GALNT11: variants seen among roughly 807,000 people sequenced by gnomAD.
GALNT11 encodes UDP-GalNAc:polypeptide N-acetylgalactosaminyltransferase 11.
A neutral mutation model predicts 72.7 loss-of-function variants in GALNT11; 47 were observed. The observed-to-expected ratio is 0.65, with a 90% CI of 0.51 to 0.82. GALNT11 has a LOEUF of 0.82. Ranked by LOEUF, GALNT11 falls within the 40% of genes least tolerant of loss-of-function variation. The pLI, the probability that GALNT11 is intolerant of heterozygous loss-of-function variation, is 0.00. For missense variants in GALNT11, 677 were observed against 778.4 expected, an observed-to-expected ratio of 0.87 and a Z score of 1.55; for synonymous variants, 270 against 286.6, an observed-to-expected ratio of 0.94 and a Z score of 0.58.
chr7:152,094,375 C>A lies in GALNT11; in HGVS notation c.148C>A (p.Pro50Thr), dbSNP rs368746437. ...VPVKGSGPHG[P>T]SPKKFYPRFT... is the part of the protein sequence containing the mutation. ...CGTCAAGGGGTCTGGGCCCCACGGACCATCTCCAAAAAAATTCTATCCCCG... is the reference window on the plus strand; with the variant it reads ...CGTCAAGGGGTCTGGGCCCCACGGAACATCTCCAAAAAAATTCTATCCCCG... The change falls in exon 2 of 12, where the codon CCA becomes ACA. Residue 50 changes from proline (P) to threonine (T), a missense_variant. Physicochemically the swap from Pro to Thr is conservative, Grantham distance 38. Coordinates refer to ENST00000430044, the MANE Select transcript of GALNT11 (RefSeq NM_022087.4). The surrounding 1 kb of genome is among the most constrained non-coding windows in gnomAD (Gnocchi z 4.3). 1 of 1,614,138 alleles carries A rather than the reference C, an allele frequency of 6.2e-7. No individual in the cohort carries two copies. The highest frequency in any genetic ancestry group is 1.3e-5 in the African/African-American group (1 of 75,012).
chr7:152,093,359 G>A (rs1210711026), intron 1 of GALNT11, among the ~76,000 whole-genome samples: 1 of 152,006 alleles, frequency 6.6e-6, no homozygotes, highest in Non-Finnish European at 1.5e-5. Flanking sequence ...CTTAGATTTA[G>A]AGTGCACACT....
At chr7:152,036,744 TCATTC>T (rs1394751085) in intron 1 of GALNT11, among the ~76,000 whole-genome samples, 1 of 152,214 alleles carries the variant, frequency 6.6e-6, no homozygotes, top group Non-Finnish European at 1.5e-5. Flanking sequence ...ATCCTCACCA[TCATTC>T]ATTATTGCCT....
At chr7:152,099,066 C>G (rs946873425) in intron 2 of GALNT11, among the ~76,000 whole-genome samples, 1 of 152,086 alleles carries the variant, frequency 6.6e-6, no homozygotes, top group African/African-American at 2.4e-5. Flanking sequence ...CTCAGCCTCC[C>G]AAGTAGCTGG....
intron 1 of GALNT11, among the ~76,000 whole-genome samples, chr7:152,060,691 T>C (rs551708065): frequency 6.6e-6 from 1 of 152,126 alleles, no homozygotes; most frequent in African/African-American, 2.4e-5. Context: ...TTCTCATTGT[T>C]CAATTCCCAC....
chr7:152,084,854 T>C (rs1268109392), intron 1 of GALNT11, among the ~76,000 whole-genome samples: 1 of 152,206 alleles, frequency 6.6e-6, no homozygotes, highest in Non-Finnish European at 1.5e-5. Flanking sequence ...TTATGGTAAG[T>C]ATAGCAGTGC....
chr7:152,118,724 C>G lies in GALNT11; in HGVS notation c.1499C>G (p.Pro500Arg). ...TNKCLVAQGR[P>R]SQKGGLVVLK... ...AAATGCCTGGTGGCCCAGGGCCGCC[C>G]AAGTCAGAAGGGAGGTCTCGTGGTG... The change falls in exon 10 of 12, where the codon CCA becomes CGA. Residue 500 changes from proline (P) to arginine (R), a missense_variant. Coordinates refer to ENST00000430044, the MANE Select transcript of GALNT11 (RefSeq NM_022087.4). The G allele has an allele frequency of 6.2e-7, 1 of 1,611,830 alleles. No individual in the cohort carries two copies.
At chr7:152,100,263 C>G (rs2086759217) in intron 2 of GALNT11, among the ~76,000 whole-genome samples, 1 of 151,754 alleles carries the variant, frequency 6.6e-6, no homozygotes. Context: ...ATATAATAAA[C>G]TATTCTTAAG....
intron 1 of GALNT11, among the ~76,000 whole-genome samples, chr7:152,044,145 T>C (rs573999545): frequency 1.8e-4 from 27 of 152,072 alleles, no homozygotes; most frequent in Non-Finnish European, 2.6e-4. Flanking sequence ...AAATCAGGGG[T>C]CTCACAGCCT....
chr7:152,048,156 A>C (rs2083231930), intron 1 of GALNT11, among the ~76,000 whole-genome samples: 1 of 151,910 alleles, frequency 6.6e-6, no homozygotes, highest in Admixed American at 6.5e-5. Context: ...TTCATGTTTG[A>C]AGAATATTTT....
intron 1 of GALNT11, among the ~76,000 whole-genome samples, chr7:152,073,064 G>C (rs2084752542): frequency 6.6e-6 from 1 of 152,234 alleles, no homozygotes; most frequent in Admixed American, 6.5e-5. Context: ...GGTACATAGT[G>C]ATGTTTCTAT....
chr7:152,117,461 A>G, intron 9 of GALNT11, 86 bp downstream of exon 9: 1 of 1,272,990 alleles, frequency 7.9e-7, no homozygotes, highest in South Asian at 1.3e-5. Flanking sequence ...GACAGGTGAC[A>G]CTGTGGACTT....
At chr7:152,116,982 G>C (rs2088929330) in intron 8 of GALNT11, 175 bp from the exon 9 acceptor site, 1 of 711,024 alleles carries the variant, frequency 1.4e-6, no homozygotes, top group East Asian at 2.7e-5. Context: ...TCACGAGTTT[G>C]AGACCCACTG....
intron 5 of GALNT11, among the ~76,000 whole-genome samples, chr7:152,106,736 C>T (rs2087604094): frequency 6.6e-6 from 1 of 152,120 alleles, no homozygotes; most frequent in Admixed American, 6.5e-5. Context: ...TTCAGGTCCT[C>T]ATTGAGATAT....
chr7:152,095,904 G>GT (rs1563068807), intron 2 of GALNT11, among the ~76,000 whole-genome samples: 1 of 152,082 alleles, frequency 6.6e-6, no homozygotes, highest in Non-Finnish European at 1.5e-5. Context: ...CCTATTAGAG[G>GT]TAATAAATGA....
At chr7:152,035,617 C>T (rs990703255) in intron 1 of GALNT11, among the ~76,000 whole-genome samples, 4 of 152,180 alleles carry the variant, frequency 2.6e-5, no homozygotes, top group African/African-American at 9.7e-5. Context: ...ACCAACACTC[C>T]CAACTCCGAA....
chr7:152,067,376 G>A (rs2084369856), intron 1 of GALNT11, among the ~76,000 whole-genome samples: 2 of 152,120 alleles, frequency 1.3e-5, no homozygotes, highest in Non-Finnish European at 2.9e-5. Flanking sequence ...AAATTATTTG[G>A]AATTCTGTGT....
chr7:152,063,767 C>T (rs553847008), intron 1 of GALNT11, among the ~76,000 whole-genome samples: 9 of 152,188 alleles, frequency 5.9e-5, no homozygotes, highest in South Asian at 4.2e-4. Flanking sequence ...TGTAGTTGAG[C>T]GGTTTTGAGT....
At chr7:152,071,199 T>G (rs528448737) in intron 1 of GALNT11, among the ~76,000 whole-genome samples, 170 of 152,348 alleles carry the variant, frequency 1.1e-3, no homozygotes, top group Non-Finnish European at 2.0e-3. Flanking sequence ...GGCAGGAATT[T>G]CCTCTTCCTA....
intron 9 of GALNT11, 142 bp from the exon 10 acceptor site, chr7:152,118,536 A>G: frequency 1.5e-6 from 1 of 668,998 alleles, no homozygotes; most frequent in Non-Finnish European, 2.5e-6. Flanking sequence ...AGAACTTAGG[A>G]ATTAAAAATG....
Sources: gnomAD v4.1 joint callset for allele counts (sites outside exome capture counted in the v4.1 genomes callset) on GRCh38, gnomAD v4.1.1 for gene constraint, Gnocchi (gnomAD v3.1) non-coding constraint, MANE v1.5 for transcripts, NCBI Gene and HGNC (gene_info 2026-07-23, HGNC 2026-07-21) for gene names.